URB1: variants seen among roughly 807,000 people sequenced by gnomAD.
URB1 encodes the protein URB1 ribosome biogenesis factor, also known as nucleolar pre-ribosomal-associated protein 1.
URB1 carries 197 observed loss-of-function variants against 242.3 expected under a neutral mutation model. The observed-to-expected ratio is 0.81, with a 90% CI of 0.72 to 0.91. The LOEUF is 0.91. Ranked by LOEUF, URB1 falls within the 40% of genes least tolerant of loss-of-function variation. The pLI, the probability that URB1 is intolerant of heterozygous loss-of-function variation, is 0.00. For missense variants in URB1, 2,721 were observed against 2,860.5 expected (o/e 0.95, Z 1.11); for synonymous variants, 1,153 against 1,201.8 (o/e 0.96, Z 0.84).
intron 24 of URB1, among the ~76,000 whole-genome samples, chr21:32,342,017 C>CA (rs2033035779): frequency 6.7e-6 from 1 of 148,556 alleles, no homozygotes; most frequent in South Asian, 2.2e-4. Context: ...AAACAATCCA[C>CA]AAGAGCATGA....
At position 32,311,723 on chromosome 21, in the gene URB1, C is replaced by A. The variant is rs541232131; in HGVS notation, c.*3195G>T. The A allele has an allele frequency of 1.2e-6, 2 of 1,614,004 alleles. No individual in the cohort carries two copies. Among genetic ancestry groups the A allele is most frequent in the East Asian group, 2.2e-5 (1 of 44,876 alleles). The stretch of plus-strand genomic sequence containing the variant: ...ACCACCAAACATGCCCCTGGAGTCA[C>A]GGCCTCAACCTCCACCTCTGCATCC... On this transcript the variant is annotated 3_prime_UTR_variant, in exon 39 of 39. Transcript: ENST00000382751.
chr21:32,346,874 G>A, intron 22 of URB1, 82 bp downstream of exon 22: 2 of 1,436,628 alleles, frequency 1.4e-6, no homozygotes, highest in South Asian at 3.0e-5. Flanking sequence ...GAATTTCTAG[G>A]GTTTAAAAAT....
chr21:32,317,851 C>T lies in URB1; in HGVS notation c.5859G>A (p.Arg1953=). The change falls in exon 37 of 39, where the codon CGG becomes CGA. Residue 1953 remains arginine, a synonymous_variant. Transcript: ENST00000382751. ...FGTLDSVLRY[R]ATVIQAFRDM... is the part of the protein sequence containing the mutation. ...CCCTAAAGGCCTGTATGACAGTGGC[C>T]CGGTACCTCAGCACGGAGTCAAGTG... 1 of 1,551,822 alleles carries T rather than the reference C, an allele frequency of 6.4e-7. No homozygotes were observed. Among genetic ancestry groups the T allele is most frequent in the South Asian group, 1.2e-5 (1 of 84,058 alleles).
Position 32,320,776 on chromosome 21 carries a change from T to C in URB1, c.5485-136A>G. The C allele has an allele frequency of 4.5e-6, 3 of 673,692 alleles. No homozygotes were observed. The South Asian group carries it at 5.2e-5, about 12-fold the overall frequency. 41.7% of individuals were successfully genotyped at this position (673,692 alleles called of 1,614,324 possible). A position where few individuals can be genotyped will look rare whatever the true frequency, so the allele number is the denominator to read the frequency against. Reference sequence around the variant, plus strand: ...AATGAAGCCTGCTTTGCTAAGTCCGTCAGAGCGGTGGCCATGTACGAACGT... The same window carrying C: ...AATGAAGCCTGCTTTGCTAAGTCCGCCAGAGCGGTGGCCATGTACGAACGT... On this transcript the variant is annotated intron_variant, in intron 34 of 38. Coordinates refer to ENST00000382751, the MANE Select transcript of URB1 (RefSeq NM_014825.3).
intron 21 of URB1, 48 bp downstream of exon 21, chr21:32,349,256 A>G: frequency 6.9e-7 from 1 of 1,453,850 alleles, no homozygotes; most frequent in African/African-American, 1.4e-5. Flanking sequence ...AGAGAAAGCC[A>G]CTGCCCATGA....
chr21:32,337,705 C>CTT (rs376827889), intron 26 of URB1, among the ~76,000 whole-genome samples, 191 bp from the exon 27 acceptor site: 5 of 146,774 alleles, frequency 3.4e-5, no homozygotes, highest in African/African-American at 7.5e-5. Flanking sequence ...TTCTTTTTTT[C>CTT]TTTTTTTTTT....
At chr21:32,331,470 A>G (rs962579913) in intron 30 of URB1, among the ~76,000 whole-genome samples, 2 of 152,242 alleles carry the variant, frequency 1.3e-5, no homozygotes, top group Non-Finnish European at 2.9e-5. Context: ...TAGAACAAAT[A>G]TAAGATGATT....
intron 11 of URB1, among the ~76,000 whole-genome samples, chr21:32,362,330 T>C (rs917253339): frequency 2.0e-5 from 3 of 152,038 alleles, no homozygotes; most frequent in Admixed American, 2.0e-4. Context: ...GTCAGCCACC[T>C]GAGTAGCTGG....
chr21:32,342,930 T>C (rs1460055466), intron 24 of URB1, among the ~76,000 whole-genome samples: 1 of 152,072 alleles, frequency 6.6e-6, no homozygotes, highest in African/African-American at 2.4e-5. Flanking sequence ...TGATACATGA[T>C]GGTACATTTA....
rs1323809955 is a variant in URB1 at position 32,392,815 on chromosome 21, G to A, written c.96C>T (p.Gly32=). ...CCTTCAGCTGAGCCTTGAACCGCAC[G>A]CCCGTGAGCTCTTCTTTGCGGGCGC... ...AKRARKEELT[G]VRFKAQLKDP... The change falls in exon 1 of 39, where the codon GGC becomes GGT. Residue 32 remains glycine (G), a synonymous_variant. Coordinates refer to ENST00000382751, the MANE Select transcript of URB1 (RefSeq NM_014825.3). 3.9e-6 allele frequency: 6 copies of A among 1,530,224 alleles called. No individual in the cohort carries two copies. The South Asian group carries it at 6.0e-5, about 15-fold the overall frequency. 94.8% of individuals were successfully genotyped at this position (1,530,224 alleles called of 1,614,324 possible).
Position 32,316,770 on chromosome 21 carries a change from C to T in URB1, c.6330G>A (p.Glu2110=). 1 of 1,550,162 alleles carries T rather than the reference C, an allele frequency of 6.5e-7. No individual in the cohort carries two copies. The highest frequency in any genetic ancestry group is 1.2e-5 in the South Asian group (1 of 83,994). The change falls in exon 38 of 39, where the codon GAG becomes GAA. Residue 2110 remains glutamate, a synonymous_variant. Transcript: ENST00000382751. ...AVSWVLRSVA[E]HPLSRAEAAG... ...CAGCCTCTGCCCTGCTGAGCGGGTG[C>T]TCGGCCACCGACCGCAGCACCCAAC...
chr21:32,326,373 T>C (rs545727056), intron 30 of URB1, among the ~76,000 whole-genome samples: 3 of 152,212 alleles, frequency 2.0e-5, no homozygotes, highest in Non-Finnish European at 4.4e-5. Flanking sequence ...TAAGAGATAG[T>C]CCATTGATGA....
chr21:32,348,784 C>T (rs1426393212), intron 21 of URB1, among the ~76,000 whole-genome samples: 2 of 152,052 alleles, frequency 1.3e-5, no homozygotes, highest in African/African-American at 4.8e-5. Context: ...ACTCAGAGCT[C>T]AAAGGAAAAA....
chr21:32,314,923 C>T lies in URB1; in HGVS notation c.6811G>A (p.Ala2271Thr), dbSNP rs1327298712. ...CKDAASAASD[A>T] ...AAGGTGCTGGCCGGCAGGAGTCAAG[C>T]ATCTGAGGCTGCGCTGGCGGCGTCC... is the stretch of plus-strand genomic sequence containing the variant. Residue 2271 changes from alanine (A) to threonine (T), a missense_variant, in exon 39 of 39, where the codon GCT becomes ACT. By Grantham distance (58) the Ala-to-Thr change is moderately conservative (BLOSUM62 0). Transcript: ENST00000382751. The T allele has an allele frequency of 1.2e-5, 18 of 1,549,818 alleles. No individual in the cohort carries two copies.
chr21:32,392,957 C>G lies in URB1; in HGVS notation c.-47G>C, dbSNP rs1280921733. The stretch of plus-strand genomic sequence containing the variant: ...ACGGAAACGACACACCTGAGGGGAC[C>G]CGGCAGGAGCACTGGCACAGACAGC... On this transcript the variant is annotated 5_prime_UTR_variant, in exon 1 of 39. Coordinates refer to ENST00000382751, the MANE Select transcript of URB1 (RefSeq NM_014825.3). 1.4e-6 allele frequency: 2 copies of G among 1,444,718 alleles called. No individual in the cohort carries two copies. The highest frequency in any genetic ancestry group is 1.8e-6 in the Non-Finnish European group (2 of 1,098,212). The allele number at this position is 1,444,718 out of a possible 1,614,324, so 89.5% of individuals were successfully genotyped here.
At chr21:32,367,946 A>C (rs537533466) in intron 9 of URB1, among the ~76,000 whole-genome samples, 1 of 152,360 alleles carries the variant, frequency 6.6e-6, no homozygotes, top group East Asian at 1.9e-4. Flanking sequence ...ATAGAAGATA[A>C]GGACACCAAA....
At chr21:32,388,007 A>C (rs2033601172) in intron 1 of URB1, among the ~76,000 whole-genome samples, 1 of 152,244 alleles carries the variant, frequency 6.6e-6, no homozygotes, top group Non-Finnish European at 1.5e-5. Flanking sequence ...CTAGCTGAGC[A>C]GAGAGGACCA....
intron 1 of URB1, among the ~76,000 whole-genome samples, chr21:32,388,623 T>C (rs1410774919): frequency 2.0e-5 from 3 of 152,230 alleles, no homozygotes; most frequent in Non-Finnish European, 4.4e-5. Flanking sequence ...CCAAGGTGAC[T>C]GTGAGTTACA....
At position 32,320,529 on chromosome 21, in the gene URB1, A is replaced by G; in HGVS notation, c.5594+2T>C. The G allele has an allele frequency of 6.5e-7, 1 of 1,547,674 alleles. No individual in the cohort carries two copies. The highest frequency in any genetic ancestry group is 8.7e-7 in the Non-Finnish European group (1 of 1,143,516). On this transcript the variant is annotated splice_donor_variant, in intron 35 of 38. Transcript: ENST00000382751. LOFTEE classifies it high-confidence loss of function. The stretch of plus-strand genomic sequence containing the variant: ...CGCACCTCGCATGCAAAAGGTACTT[A>G]CTTGCTTTCAAGGATGTGTAAAATC...
Sources: allele counts gnomAD v4.1 joint callset (sites outside exome capture counted in the v4.1 genomes callset), GRCh38; gene constraint gnomAD v4.1.1; transcripts MANE v1.5; gene names NCBI Gene and HGNC (gene_info 2026-07-23, HGNC 2026-07-21).